Variants in NCBP3 observed in about 807,000 individuals in gnomAD.
NCBP3 encodes the protein nuclear cap-binding protein subunit 3.
A neutral mutation model predicts 75.7 loss-of-function variants in NCBP3; 20 were observed. The ratio of observed to expected loss-of-function variants is 0.26; its 90% CI spans 0.19 to 0.38. NCBP3 has a LOEUF of 0.38. NCBP3 is among the 10% of genes least tolerant of loss of function. The pLI, the probability that NCBP3 is intolerant of heterozygous loss-of-function variation, is 1.00. For synonymous variants in NCBP3, 293 were observed against 290.5 expected, an observed-to-expected ratio of 1.01 and a Z score of -0.09; for missense variants, 678 against 796.9, an observed-to-expected ratio of 0.85 and a Z score of 1.80.
chr17:3,827,009 C>A (rs909336403), intron 4 of NCBP3, among the ~76,000 whole-genome samples: 1 of 119,176 alleles, frequency 8.4e-6, no homozygotes, highest in Non-Finnish European at 1.6e-5. Context: ...GAGACTCTGT[C>A]AAGAAAAAAC....
chr17:3,843,275 T>G, intron 1 of NCBP3, 124 bp from the exon 2 acceptor site: 1 of 731,246 alleles, frequency 1.4e-6, no homozygotes, highest in Non-Finnish European at 2.3e-6. Context: ...TGACAGTGTC[T>G]TGCTCTGTTG....
chr17:3,829,825 T>A (rs919328899), intron 3 of NCBP3, among the ~76,000 whole-genome samples: 1 of 151,996 alleles, frequency 6.6e-6, no homozygotes, highest in Non-Finnish European at 1.5e-5. Context: ...ATGCTACAAG[T>A]CAATTAAGAA....
chr17:3,809,727 G>C lies in NCBP3; in HGVS notation c.*3317C>G, dbSNP rs927091296. On this transcript the variant is annotated 3_prime_UTR_variant, in exon 13 of 13. Transcript: ENST00000389005. The stretch of plus-strand genomic sequence containing the variant: ...GTCTCAAAAATAAATAATAGAAATA[G>C]AAATATATATATATAGCCCTAAAGT... The C allele has an allele frequency of 2.0e-5, 3 of 151,538 alleles. No homozygotes were observed. Among genetic ancestry groups the C allele is most frequent in the Non-Finnish European group, 4.4e-5 (3 of 67,944 alleles). 9.4% of individuals were successfully genotyped at this position (151,538 alleles called of 1,614,324 possible).
intron 10 of NCBP3, among the ~76,000 whole-genome samples, chr17:3,817,748 G>C (rs1004219561): frequency 6.6e-6 from 1 of 152,156 alleles, no homozygotes; most frequent in Non-Finnish European, 1.5e-5. Context: ...TATTGAGTTA[G>C]TGCAATTGTA....
chr17:3,826,668 G>C (rs1377919245), intron 4 of NCBP3, among the ~76,000 whole-genome samples: 2 of 145,258 alleles, frequency 1.4e-5, no homozygotes, highest in Admixed American at 7.0e-5. Context: ...AAAAAAGAAA[G>C]AAAGAAAGAG....
chr17:3,813,900 G>C (rs1458889340), intron 12 of NCBP3, among the ~76,000 whole-genome samples: 1 of 152,132 alleles, frequency 6.6e-6, no homozygotes, highest in East Asian at 1.9e-4. Flanking sequence ...CTGACCTCAA[G>C]TGATCCCCCC....
intron 7 of NCBP3, chr17:3,822,320 G>A: frequency 3.3e-6 from 1 of 307,368 alleles, no homozygotes; most frequent in East Asian, 5.9e-5. Context: ...AACAATACAA[G>A]ATACAAGGTT....
At chr17:3,834,417 T>A (rs1033871223) in intron 3 of NCBP3, among the ~76,000 whole-genome samples, 9 of 152,240 alleles carry the variant, frequency 5.9e-5, no homozygotes, top group African/African-American at 2.2e-4. Flanking sequence ...TTGGTGAGCA[T>A]GAACTGTTTG....
At chr17:3,830,460 G>T (rs970318573) in intron 3 of NCBP3, among the ~76,000 whole-genome samples, 4 of 151,888 alleles carry the variant, frequency 2.6e-5, no homozygotes, top group Non-Finnish European at 4.4e-5. Context: ...ATTTACTAAG[G>T]GTACATATTT....
chr17:3,823,888 T>C (rs2053719884), intron 7 of NCBP3: 1 of 152,166 alleles, frequency 6.6e-6, no homozygotes, highest in African/African-American at 2.4e-5. Flanking sequence ...ATGACATCGC[T>C]TCTGTGGCAC....
At position 3,818,859 on chromosome 17, in the gene NCBP3, G is replaced by T. The variant is rs146021167; in HGVS notation, c.1001-287C>A. Among the ~76,000 whole-genome samples, 1 of 152,082 alleles carries T rather than the reference G, an allele frequency of 6.6e-6. No homozygotes were observed. The highest frequency in any genetic ancestry group is 1.5e-5 in the Non-Finnish European group (1 of 68,026). On this transcript the variant is annotated intron_variant, in intron 9 of 12. Transcript: ENST00000389005. This position sits in a 1 kb window ranked among gnomAD's most constrained non-coding sequence, Gnocchi z 4.7. ...ATTTGCAAATTTACCAAATTTATTT[G>T]TAACTCCAAAATGAATACGTGCAAT...
intron 4 of NCBP3, among the ~76,000 whole-genome samples, chr17:3,828,308 G>T (rs1294362498): frequency 6.6e-6 from 1 of 152,238 alleles, no homozygotes; most frequent in Non-Finnish European, 1.5e-5. Context: ...TGCTACCACA[G>T]CAGAGCTGAG....
intron 4 of NCBP3, among the ~76,000 whole-genome samples, chr17:3,827,334 C>T (rs2053806449): frequency 6.6e-6 from 1 of 152,208 alleles, no homozygotes; most frequent in Non-Finnish European, 1.5e-5. Context: ...TTGTCCTTTA[C>T]ACTACCGCCC....
At chr17:3,834,685 G>A (rs1422809882) in intron 3 of NCBP3, among the ~76,000 whole-genome samples, 2 of 152,130 alleles carry the variant, frequency 1.3e-5, no homozygotes, top group Non-Finnish European at 2.9e-5. Context: ...TAAGGCGGGA[G>A]GATCACTTGA....
chr17:3,831,073 T>C (rs1397322231), intron 3 of NCBP3, among the ~76,000 whole-genome samples: 2 of 151,004 alleles, frequency 1.3e-5, no homozygotes, highest in African/African-American at 2.4e-5. Flanking sequence ...CACCACGCCA[T>C]GCTAATTTTG....
chr17:3,846,086 C>G lies in NCBP3; in HGVS notation c.138G>C (p.Glu46Asp). 6.5e-7 allele frequency: 1 copy of G among 1,549,410 alleles called. No homozygotes were observed. The highest frequency in any genetic ancestry group is 8.7e-7 in the Non-Finnish European group (1 of 1,146,070). Residue 46 changes from glutamate to aspartate, a missense_variant, in exon 1 of 13, where the codon GAG (glutamate) becomes GAC (aspartate). Around this residue, in one of 7 missense-constraint regions of NCBP3, gnomAD observed 46 missense variants for 82.8 expected, o/e 0.56. Coordinates refer to ENST00000389005, the MANE Select transcript of NCBP3 (RefSeq NM_001114118.3). This position sits in a 1 kb window ranked among gnomAD's most constrained non-coding sequence, Gnocchi z 4.6. ...AGCGCCGCACAGGCACGATTTCCAG[C>G]TCGCCCTCCTCCACCTCCATGGGCT... ...EPEPMEVEEG[E>D]LEIVPVRRSL... is the part of the protein sequence containing the mutation.
chr17:3,822,111 A>T, intron 7 of NCBP3, 59 bp from the exon 8 acceptor site: 3 of 1,106,440 alleles, frequency 2.7e-6, no homozygotes, highest in South Asian at 1.4e-5. Context: ...ACAATGTTGA[A>T]TTTTTTTTTT....
At chr17:3,826,991 G>A (rs1421277884) in intron 4 of NCBP3, among the ~76,000 whole-genome samples, 3 of 138,052 alleles carry the variant, frequency 2.2e-5, no homozygotes, top group Non-Finnish European at 4.5e-5. Context: ...CAGCCTGGGC[G>A]ACAGAGCGAG....
rs113732977 is a variant in NCBP3 at position 3,837,489 on chromosome 17, GA to G, written c.355+2610del. 1.4e-3 allele frequency among the ~76,000 whole-genome samples: 196 copies of G among 143,520 alleles called. 1 individual carries two copies. The highest frequency in any genetic ancestry group is 3.5e-3 in the African/African-American group (135 of 38,420). 94.2% of individuals were successfully genotyped at this position (143,520 alleles called of 152,430 possible). A position where few individuals can be genotyped will look rare whatever the true frequency, so the allele number is the denominator to read the frequency against. ...TCCAGCCTGGGCTACAGAAAGAGAG[GA>G]AAAAAAAAATGCTGGGCAGTGGCCA... On this transcript the variant is annotated intron_variant, in intron 3 of 12. Transcript: ENST00000389005.
Sources: gnomAD v4.1 joint callset for allele counts (sites outside exome capture counted in the v4.1 genomes callset) on GRCh38, gnomAD v4.1.1 for gene constraint, gnomAD v4.1.1 regional missense constraint, Gnocchi (gnomAD v3.1) non-coding constraint, MANE v1.5 for transcripts, NCBI Gene and HGNC (gene_info 2026-07-23, HGNC 2026-07-21) for gene names.